WDR17: variants seen among roughly 807,000 people sequenced by gnomAD.
WDR17 encodes WD repeat domain 17.
A neutral mutation model predicts 161.7 loss-of-function variants in WDR17; 143 were observed. The ratio of observed to expected loss-of-function variants is 0.88; its 90% confidence interval spans 0.77 to 1.02. The LOEUF (loss-of-function observed/expected upper bound fraction) is 1.02. WDR17 is among the 50% of genes least tolerant of loss of function. The pLI, the probability that WDR17 is intolerant of heterozygous loss-of-function variation, is 0.00. For synonymous variants in WDR17, 517 were observed against 515.6 expected (o/e 1.00, Z -0.04); for missense variants, 1,469 against 1,520.9 (o/e 0.97, Z 0.57).
chr4:176,101,690 T>C lies in WDR17; in HGVS notation c.-6-9885T>C, dbSNP rs192900017. On this transcript the variant is annotated intron_variant, in intron 1 of 28. Transcript: ENST00000508596. ...GCAAAAGGATAGACAGATAGATCAATGGAACAGAATAGAGGGCTTAGAAAT... is the reference window on the plus strand; with the variant it reads ...GCAAAAGGATAGACAGATAGATCAACGGAACAGAATAGAGGGCTTAGAAAT... 6.0e-3 allele frequency among the ~76,000 whole-genome samples: 919 copies of C among 152,142 alleles called. 6 individuals are homozygous for C. Among genetic ancestry groups the C allele is most frequent in the Non-Finnish European group, 0.01 (693 of 67,988 alleles).
At chr4:176,078,610 A>G (rs1472358659) in intron 1 of WDR17, among the ~76,000 whole-genome samples, 1 of 152,138 alleles carries the variant, frequency 6.6e-6, no homozygotes, top group African/African-American at 2.4e-5. Flanking sequence ...TTGAATCTTG[A>G]AACTTGTGGG....
chr4:176,072,849 T>A (rs1186524466), intron 1 of WDR17, among the ~76,000 whole-genome samples: 1 of 152,142 alleles, frequency 6.6e-6, no homozygotes, highest in Non-Finnish European at 1.5e-5. Context: ...TAAAAGTGAG[T>A]TTCACAAAAC....
intron 1 of WDR17, among the ~76,000 whole-genome samples, chr4:176,086,934 A>G (rs1271109628): frequency 6.6e-6 from 1 of 151,816 alleles, no homozygotes; most frequent in Admixed American, 6.6e-5. Flanking sequence ...AGATTCCGGC[A>G]TGTAAATTTG....
chr4:176,076,387 G>T (rs1734024581), intron 1 of WDR17, among the ~76,000 whole-genome samples: 1 of 134,808 alleles, frequency 7.4e-6, no homozygotes, highest in African/African-American at 2.7e-5. Flanking sequence ...TTTTAACCCA[G>T]TAAATGAGTT....
At chr4:176,084,539 A>G (rs1174599102) in intron 1 of WDR17, among the ~76,000 whole-genome samples, 1 of 151,952 alleles carries the variant, frequency 6.6e-6, no homozygotes, top group African/African-American at 2.4e-5. Flanking sequence ...ACAAACATCC[A>G]AATTATAGCA....
chr4:176,098,792 AT>A (rs1367227911), intron 1 of WDR17, among the ~76,000 whole-genome samples: 1 of 151,930 alleles, frequency 6.6e-6, no homozygotes, highest in Non-Finnish European at 1.5e-5. Context: ...TTTATTTAGA[AT>A]CATAGATTTT....
chr4:176,083,152 G>A (rs1368805896), intron 1 of WDR17, among the ~76,000 whole-genome samples: 2 of 149,778 alleles, frequency 1.3e-5, no homozygotes, highest in African/African-American at 4.9e-5. Flanking sequence ...TTTTAGACTT[G>A]TTATATTACC....
At chr4:176,129,901 A>AT (rs1335709692) in intron 6 of WDR17, among the ~76,000 whole-genome samples, 1 of 151,368 alleles carries the variant, frequency 6.6e-6, no homozygotes, top group Non-Finnish European at 1.5e-5. Flanking sequence ...TAGTTCCTTT[A>AT]TTTGTTTAGA....
At position 176,155,716 on chromosome 4, in the gene WDR17, A is replaced by AATATATATATATATATATAT. The variant is rs113370958; in HGVS notation, c.2461-362_2461-343dup. ...TGCACCACCACATCTGACTAATTAA[A>AATATATATATATATATATAT]ATATATATATATATATATATGTTTT... On this transcript the variant is annotated intron_variant, in intron 17 of 28. Transcript: ENST00000508596. Among the ~76,000 whole-genome samples the AATATATATATATATATATAT allele has an allele frequency of 1.7e-3, 215 of 130,226 alleles. 1 individual carries two copies. Among genetic ancestry groups the AATATATATATATATATATAT allele is most frequent in the Middle Eastern group, 0.011 (3 of 262 alleles). The allele number at this position is 130,226 out of a possible 152,430, so 85.4% of individuals were successfully genotyped here.
intron 9 of WDR17, among the ~76,000 whole-genome samples, chr4:176,138,651 G>A (rs959595561): frequency 1.3e-5 from 2 of 151,654 alleles, no homozygotes; most frequent in Admixed American, 6.6e-5. Context: ...TTATGGCCCA[G>A]ATTCAAAAAT....
intron 12 of WDR17, among the ~76,000 whole-genome samples, chr4:176,147,293 A>G (rs1746342763): frequency 6.6e-6 from 1 of 152,202 alleles, no homozygotes; most frequent in Admixed American, 6.5e-5. Flanking sequence ...TTTGGCATAT[A>G]TCTGTGACTA....
chr4:176,149,786 A>G (rs768991255), intron 13 of WDR17, 21 bp from the exon 14 acceptor site: 3 of 1,606,126 alleles, frequency 1.9e-6, no homozygotes, highest in Admixed American at 1.7e-5. Context: ...TTTACTTAAA[A>G]TAGGTTTTTA....
At chr4:176,127,110 G>T (rs1410327405) in intron 5 of WDR17, among the ~76,000 whole-genome samples, 1 of 152,138 alleles carries the variant, frequency 6.6e-6, no homozygotes, top group African/African-American at 2.4e-5. Flanking sequence ...TAGGTTATAT[G>T]CAAATAATAT....
At chr4:176,170,984 A>G (rs1750653127) in intron 23 of WDR17, among the ~76,000 whole-genome samples, 1 of 152,218 alleles carries the variant, frequency 6.6e-6, no homozygotes, top group Non-Finnish European at 1.5e-5. Context: ...GAACACTTAC[A>G]TTAGGCTACA....
In WDR17 at chr4:176,181,029, TTTA is replaced by T. The variant is rs1277648026; in HGVS notation, c.*1455_*1457del. On this transcript the variant is annotated 3_prime_UTR_variant, in exon 29 of 29. Coordinates refer to ENST00000508596, the MANE Select transcript of WDR17 (RefSeq NM_181265.4). ...TCATATAACTAGAATACTTGTGGCT[TTTA>T]TTATCTTTAAACTTGTTGCATTTAA... 4 of 152,164 alleles carry T rather than the reference TTTA, an allele frequency of 2.6e-5. No homozygotes were observed. Among genetic ancestry groups the T allele is most frequent in the African/African-American group, 9.7e-5 (4 of 41,432 alleles). 9.4% of individuals were successfully genotyped at this position (152,164 alleles called of 1,614,324 possible).
chr4:176,083,748 C>T (rs1227303233), intron 1 of WDR17, among the ~76,000 whole-genome samples: 1 of 152,090 alleles, frequency 6.6e-6, no homozygotes, highest in Non-Finnish European at 1.5e-5. Context: ...TTAGAGGATT[C>T]GGCCAATGAG....
chr4:176,140,777 G>A (rs1579165575), intron 10 of WDR17, among the ~76,000 whole-genome samples: 2 of 151,744 alleles, frequency 1.3e-5, no homozygotes, highest in East Asian at 1.9e-4. Context: ...GATCCTTACC[G>A]GGAAGTTAAA....
At chr4:176,131,435 A>C in intron 6 of WDR17, 119 bp from the exon 7 acceptor site, 1 of 978,802 alleles carries the variant, frequency 1.0e-6, no homozygotes, top group Non-Finnish European at 1.4e-6. Context: ...GGGAGAATAT[A>C]TGATCATTGC....
At chr4:176,170,712 C>T (rs1269466184) in intron 23 of WDR17, among the ~76,000 whole-genome samples, 2 of 152,142 alleles carry the variant, frequency 1.3e-5, no homozygotes, top group Non-Finnish European at 2.9e-5. Flanking sequence ...TTATTCACCT[C>T]GTCTTTTCAT....
Sources: gnomAD v4.1 joint callset for allele counts (sites outside exome capture counted in the v4.1 genomes callset) on GRCh38, gnomAD v4.1.1 for gene constraint, MANE v1.5 for transcripts, NCBI Gene and HGNC (gene_info 2026-07-23, HGNC 2026-07-21) for gene names.